ENTPD1: variants seen among roughly 807,000 people sequenced by gnomAD.
The protein encoded by ENTPD1 is ectonucleoside triphosphate diphosphohydrolase 1.
ENTPD1 carries 33 observed loss-of-function variants against 57.0 expected under a neutral mutation model. The observed-to-expected ratio is 0.58, with a 90% CI of 0.44 to 0.77. The LOEUF (loss-of-function observed/expected upper bound fraction) is 0.77, where lower values mean the gene tolerates loss of function less well. Among genes scored for constraint, ENTPD1 ranks in the 30% least tolerant of loss-of-function variants. The pLI is 0.00. For missense variants in ENTPD1, 501 were observed against 603.4 expected (o/e 0.83, Z 1.78); for synonymous variants, 202 against 218.8 (o/e 0.92, Z 0.68).
At chr10:95,805,117 G>A (rs1050219166) in intron 1 of ENTPD1, among the ~76,000 whole-genome samples, 2 of 152,034 alleles carry the variant, frequency 1.3e-5, no homozygotes, top group Non-Finnish European at 2.9e-5. Context: ...TCATTGTGTG[G>A]GAGTCTAAGT....
At chr10:95,827,272 T>G (rs991473693) in intron 2 of ENTPD1, among the ~76,000 whole-genome samples, 1 of 151,848 alleles carries the variant, frequency 6.6e-6, no homozygotes, top group Non-Finnish European at 1.5e-5. Context: ...GCCAACATAG[T>G]GAAATCCCGT....
rs558299833 is a variant in ENTPD1, at chr10:95,840,218, C to T, written c.262+410C>T. On this transcript the variant is annotated intron_variant, in intron 3 of 9. Coordinates refer to ENST00000371205, the MANE Select transcript of ENTPD1 (RefSeq NM_001776.6). ...CTCAAGCTAGTAAGTGATGGAGCTG[C>T]GGTTCAAACCAAGTTCTGCCCGACT... Among the ~76,000 whole-genome samples the T allele has an allele frequency of 6.6e-5, 10 of 152,322 alleles. No individual in the cohort carries two copies. The East Asian group carries it at 1.5e-3, about 24-fold the overall frequency.
chr10:95,730,915 T>G (rs1178404753), intron 1 of ENTPD1, among the ~76,000 whole-genome samples: 1 of 152,240 alleles, frequency 6.6e-6, no homozygotes, highest in East Asian at 1.9e-4. Context: ...CAATAGATCT[T>G]ACTCTACTGT....
chr10:95,844,524 G>C lies in ENTPD1; in HGVS notation c.462G>C (p.Arg154Ser). 1 of 1,614,212 alleles carries C rather than the reference G, an allele frequency of 6.2e-7. No individual in the cohort carries two copies. The highest frequency in any genetic ancestry group is 8.5e-7 in the Non-Finnish European group (1 of 1,180,020). Residue 154 changes from arginine to serine, a missense_variant, in exon 5 of 10, where the codon AGG becomes AGC. Physicochemically the swap from Arg to Ser is moderately radical, Grantham distance 110. Coordinates refer to ENST00000371205, the MANE Select transcript of ENTPD1 (RefSeq NM_001776.6). ...LADRVLDVVE[R>S]SLSNYPFDFQ... ...ACAGGGTTCTGGATGTGGTGGAGAG[G>C]AGCCTCAGCAACTACCCCTTTGACT... is the stretch of plus-strand genomic sequence containing the variant.
intron 1 of ENTPD1, among the ~76,000 whole-genome samples, chr10:95,789,063 T>C (rs1466513233): frequency 6.6e-6 from 1 of 152,194 alleles, no homozygotes; most frequent in Non-Finnish European, 1.5e-5. Context: ...GAGGAATGCA[T>C]AGTGATCATG....
At position 95,847,490 on chromosome 10, in the gene ENTPD1, A is replaced by G. The variant is rs139169995; in HGVS notation, c.858A>G (p.Gly286=). The G allele has an allele frequency of 2.6e-5, 42 of 1,614,118 alleles. 1 individual carries two copies. In the Middle Eastern group the frequency reaches 6.6e-4, roughly 25 times the overall value. The change falls in exon 7 of 10, where the codon GGA becomes GGG. Residue 286 remains glycine (G), a synonymous_variant. Coordinates refer to ENST00000371205, the MANE Select transcript of ENTPD1 (RefSeq NM_001776.6). ...EILRDPCFHP[G]YKKVVNVSDL... The stretch of plus-strand genomic sequence containing the variant: ...TCAGGGACCCATGCTTTCATCCTGG[A>G]TATAAGAAGGTAGTGAACGTAAGTG...
At chr10:95,713,435 T>C (rs1410010201) in intron 1 of ENTPD1, among the ~76,000 whole-genome samples, 2 of 152,252 alleles carry the variant, frequency 1.3e-5, no homozygotes, top group African/African-American at 4.8e-5. Context: ...AGAAATTCTC[T>C]TGACAAAATT....
rs746680945 is a variant in ENTPD1 at position 95,868,681 on chromosome 10, G to GATACT, written c.*2298_*2299insATACT. Reference sequence around the variant, plus strand: ...ATGAGGATCACACAAACTACTACATGGCAGAGCAGATACTCCAACTCATGT... The same window carrying GATACT: ...ATGAGGATCACACAAACTACTACATGATACTGCAGAGCAGATACTCCAACTCATGT... On this transcript the variant is annotated 3_prime_UTR_variant, in exon 10 of 10. Transcript: ENST00000371205. 109 of 979,298 alleles carry GATACT rather than the reference G, an allele frequency of 1.1e-4. No homozygotes were observed. Among genetic ancestry groups the GATACT allele is most frequent in the Non-Finnish European group, 1.2e-4 (103 of 824,650 alleles). 60.7% of individuals were successfully genotyped at this position (979,298 alleles called of 1,614,324 possible).
intron 1 of ENTPD1, among the ~76,000 whole-genome samples, chr10:95,795,298 A>G (rs1295186784): frequency 1.3e-5 from 2 of 151,980 alleles, no homozygotes; most frequent in African/African-American, 4.8e-5. Flanking sequence ...GAAGGAATAC[A>G]GGATGATGCT....
chr10:95,742,289 A>G (rs1258086548), intron 1 of ENTPD1, among the ~76,000 whole-genome samples: 5 of 152,154 alleles, frequency 3.3e-5, no homozygotes, highest in African/African-American at 7.2e-5. Flanking sequence ...TCTGCATCTC[A>G]GAGCTACTTT....
chr10:95,772,786 C>G (rs147670235), intron 1 of ENTPD1, among the ~76,000 whole-genome samples: 5 of 152,292 alleles, frequency 3.3e-5, no homozygotes, highest in African/African-American at 1.2e-4. Flanking sequence ...TTTCAATTTA[C>G]TTTGCCCAGG....
chr10:95,748,044 T>C (rs2139893280), intron 1 of ENTPD1, among the ~76,000 whole-genome samples: 1 of 152,190 alleles, frequency 6.6e-6, no homozygotes, highest in Non-Finnish European at 1.5e-5. Context: ...GCTAATTTTT[T>C]TTGTATTTTT....
chr10:95,823,287 T>C lies in ENTPD1; in HGVS notation c.67T>C (p.Phe23Leu), dbSNP rs1194248169. The change falls in exon 2 of 10, where the codon TTC becomes CTC. Residue 23 changes from phenylalanine to leucine, a missense_variant. Coordinates refer to ENST00000371205, the MANE Select transcript of ENTPD1 (RefSeq NM_001776.6). The stretch of plus-strand genomic sequence containing the variant: ...CAAGAATATCCTAGCCATCCTTGGC[T>C]TCTCCTCTATCATAGCTGTGATAGC... ...CSKNILAILG[F>L]SSIIAVIALL... The C allele has an allele frequency of 1.9e-6, 3 of 1,614,240 alleles. No individual in the cohort carries two copies. The highest frequency in any genetic ancestry group is 2.5e-6 in the Non-Finnish European group (3 of 1,180,030).
At chr10:95,827,061 A>G (rs1194092630) in intron 2 of ENTPD1, among the ~76,000 whole-genome samples, 1 of 152,240 alleles carries the variant, frequency 6.6e-6, no homozygotes, top group East Asian at 1.9e-4. Context: ...TCAAAGAGCT[A>G]CATTTTAGAA....
At chr10:95,782,172 G>A (rs903463486) in intron 1 of ENTPD1, among the ~76,000 whole-genome samples, 1 of 152,220 alleles carries the variant, frequency 6.6e-6, no homozygotes, top group African/African-American at 2.4e-5. Flanking sequence ...TCTGTGTTAA[G>A]TGCTTGACTT....
chr10:95,867,248 T>A lies in ENTPD1; in HGVS notation c.*865T>A, dbSNP rs1566261668. The A allele has an allele frequency of 1.0e-6, 1 of 974,994 alleles. No individual in the cohort carries two copies. Among genetic ancestry groups the A allele is most frequent in the Non-Finnish European group, 1.2e-6 (1 of 820,532 alleles). 60.4% of individuals were successfully genotyped at this position (974,994 alleles called of 1,614,324 possible). On this transcript the variant is annotated 3_prime_UTR_variant, in exon 10 of 10. Transcript: ENST00000371205. ...AAATATAATTCACCATTTTAACATTTAATTCATATTAAATACGTACAAATC... is the reference window on the plus strand; with the variant it reads ...AAATATAATTCACCATTTTAACATTAAATTCATATTAAATACGTACAAATC...
Position 95,748,974 on chromosome 10 carries a change from A to G in ENTPD1, c.37+36981A>G, listed in dbSNP as rs554754006. 2.0e-4 allele frequency among the ~76,000 whole-genome samples: 30 copies of G among 152,232 alleles called. No homozygotes were observed. The South Asian group carries it at 3.5e-3, about 18-fold the overall frequency. ...ACTGGTATTAGGTTTAGAAGCTTCC[A>G]TTTTTGGGAAGACAGCTTCAGAGGA... On this transcript the variant is annotated intron_variant, in intron 1 of 9. Transcript: ENST00000453258.
intron 1 of ENTPD1, among the ~76,000 whole-genome samples, chr10:95,730,686 A>G (rs2097988223): frequency 6.6e-6 from 1 of 152,218 alleles, no homozygotes; most frequent in Non-Finnish European, 1.5e-5. Flanking sequence ...TTTAAAAAAG[A>G]TATGTGGTGG....
chr10:95,738,116 G>A (rs371453095), intron 1 of ENTPD1, among the ~76,000 whole-genome samples: 4 of 152,304 alleles, frequency 2.6e-5, no homozygotes, highest in South Asian at 4.1e-4. Context: ...CTGGCATATG[G>A]TAGGTGTCCA....
Sources: gnomAD v4.1 joint callset for allele counts (sites outside exome capture counted in the v4.1 genomes callset) on GRCh38, gnomAD v4.1.1 for gene constraint, MANE v1.5 for transcripts, NCBI Gene and HGNC (gene_info 2026-07-23, HGNC 2026-07-21) for gene names.